The following MED13L variants were observed in gnomAD, a reference collection of about 807,000 sequenced individuals.
The protein encoded by MED13L is mediator of RNA polymerase II transcription subunit 13-like.
In MED13L, 7 loss-of-function variants were observed where a neutral mutation model predicts 220.9. The ratio of observed to expected loss-of-function variants is 0.03; its 90% confidence interval spans 0.02 to 0.06. The LOEUF (loss-of-function observed/expected upper bound fraction) is 0.06. MED13L is among the 10% of genes least tolerant of loss of function. The pLI is 1.00. For synonymous variants in MED13L, 1,011 were observed against 1,015.2 expected, an observed-to-expected ratio of 1.00 and a Z score of 0.08; for missense variants, 1,965 against 2,760.5, an observed-to-expected ratio of 0.71 and a Z score of 6.46.
At chr12:116,266,505 G>A (rs1343292284) in intron 1 of MED13L, among the ~76,000 whole-genome samples, 1 of 152,176 alleles carries the variant, frequency 6.6e-6, no homozygotes, top group Admixed American at 6.5e-5. Context: ...TAGAAGAGGA[G>A]CTATAGCTCC....
chr12:116,273,792 T>C (rs1873589861), intron 1 of MED13L, among the ~76,000 whole-genome samples: 1 of 152,180 alleles, frequency 6.6e-6, no homozygotes, highest in African/African-American at 2.4e-5. Context: ...GAGCACATAT[T>C]TAAATCTAGT....
At chr12:116,267,208 C>T (rs752687679) in intron 1 of MED13L, among the ~76,000 whole-genome samples, 4 of 152,126 alleles carry the variant, frequency 2.6e-5, no homozygotes, top group African/African-American at 4.8e-5. Flanking sequence ...GCAAAATCAC[C>T]CAGCGCATTA....
At position 116,191,560 on chromosome 12, in the gene MED13L, C is replaced by A. The variant is rs552233111; in HGVS notation, c.310+45908G>T. Among the ~76,000 whole-genome samples, 5 of 152,148 alleles carry A rather than the reference C, an allele frequency of 3.3e-5. No individual in the cohort carries two copies. In the South Asian group the frequency reaches 8.3e-4, roughly 25 times the overall value. ...GGCCAGGCTGGTCTCAAACTCCTGA[C>A]CTCAAGCAATCCACCCACCTCAGCC... On this transcript the variant is annotated intron_variant, in intron 2 of 30. Transcript: ENST00000281928.
At chr12:115,961,677 A>C in intron 30 of MED13L, 1 of 468,600 alleles carries the variant, frequency 2.1e-6, no homozygotes, top group Non-Finnish European at 3.9e-6. Context: ...CTGGAGCCCA[A>C]ACACTTAGGG....
intron 2 of MED13L, among the ~76,000 whole-genome samples, chr12:116,155,671 A>G (rs2138111821): frequency 6.6e-6 from 1 of 152,262 alleles, no homozygotes; most frequent in Admixed American, 6.5e-5. Flanking sequence ...ACATTTTGCC[A>G]CACAGTCTTC....
At chr12:116,048,472 G>C (rs554650860) in intron 4 of MED13L, among the ~76,000 whole-genome samples, 2 of 152,298 alleles carry the variant, frequency 1.3e-5, no homozygotes, top group African/African-American at 4.8e-5. Flanking sequence ...TTAGGCTAGT[G>C]CAATAGCTCA....
At chr12:116,093,749 G>A (rs1872438594) in intron 4 of MED13L, among the ~76,000 whole-genome samples, 1 of 151,896 alleles carries the variant, frequency 6.6e-6, no homozygotes, top group Admixed American at 6.6e-5. Flanking sequence ...TTAGAAATAA[G>A]AGCTTTTCTA....
chr12:116,125,778 A>G (rs1293776843), intron 2 of MED13L, among the ~76,000 whole-genome samples: 2 of 152,242 alleles, frequency 1.3e-5, no homozygotes, highest in Non-Finnish European at 2.9e-5. Flanking sequence ...AATCATCAGT[A>G]TAAAACATGT....
intron 3 of MED13L, among the ~76,000 whole-genome samples, chr12:116,099,482 T>TA (rs1410173132): frequency 2.0e-5 from 3 of 152,196 alleles, no homozygotes; most frequent in Non-Finnish European, 2.9e-5. Context: ...AATACTGTTT[T>TA]AAAAAATATT....
At chr12:116,264,702 G>GT (rs1158275957) in intron 1 of MED13L, among the ~76,000 whole-genome samples, 1 of 152,050 alleles carries the variant, frequency 6.6e-6, no homozygotes, top group East Asian at 1.9e-4. Flanking sequence ...AACTTTCCTT[G>GT]TATCTTCCAT....
chr12:116,187,091 G>A (rs1028828547), intron 2 of MED13L, among the ~76,000 whole-genome samples: 1 of 152,052 alleles, frequency 6.6e-6, no homozygotes, highest in African/African-American at 2.4e-5. Context: ...TTTTGTTTTT[G>A]CCGAACTGCC....
chr12:116,007,339 C>G, intron 11 of MED13L, 72 bp downstream of exon 11: 4 of 1,415,944 alleles, frequency 2.8e-6, no homozygotes, highest in Non-Finnish European at 4.0e-6. Flanking sequence ...CCTCCAAAGT[C>G]TTCCCACACA....
intron 4 of MED13L, among the ~76,000 whole-genome samples, chr12:116,050,215 G>T (rs1868374993): frequency 6.6e-6 from 1 of 152,118 alleles, no homozygotes; most frequent in African/African-American, 2.4e-5. Context: ...ACAAAATATA[G>T]CACAGCTTTC....
intron 18 of MED13L, among the ~76,000 whole-genome samples, chr12:115,986,856 G>A (rs1405666859): frequency 6.6e-6 from 1 of 152,100 alleles, no homozygotes; most frequent in Non-Finnish European, 1.5e-5. Context: ...GTGAGGATTG[G>A]GAAAATGAGG....
At chr12:116,029,957 TTTTGTTTG>T (rs141391277) in intron 4 of MED13L, among the ~76,000 whole-genome samples, 2,595 of 151,848 alleles carry the variant, frequency 0.017, 44 homozygotes, top group Middle Eastern at 0.031. Flanking sequence ...TTTTTGGGTT[TTTTGTTTG>T]TTTGTTTGTT....
chr12:116,034,473 C>A (rs1881052276), intron 4 of MED13L, among the ~76,000 whole-genome samples: 2 of 152,284 alleles, frequency 1.3e-5, no homozygotes, highest in South Asian at 2.1e-4. Context: ...TGAGAACAAT[C>A]TCTCTACGCA....
intron 2 of MED13L, among the ~76,000 whole-genome samples, chr12:116,154,507 T>G (rs550733193): frequency 2.0e-5 from 3 of 152,206 alleles, no homozygotes; most frequent in African/African-American, 7.2e-5. Flanking sequence ...TGCAAACGAT[T>G]TGTTTTTCCC....
intron 2 of MED13L, among the ~76,000 whole-genome samples, chr12:116,124,411 T>C (rs1010891704): frequency 1.3e-5 from 2 of 152,206 alleles, no homozygotes; most frequent in African/African-American, 4.8e-5. Flanking sequence ...GTAATGACTA[T>C]TGGTCTACCT....
intron 14 of MED13L, 52 bp from the exon 15 acceptor site, chr12:115,997,282 G>A (rs537597308): frequency 3.9e-6 from 6 of 1,522,346 alleles, no homozygotes; most frequent in African/African-American, 1.4e-5. Context: ...CTTCTAAAAA[G>A]TCCTAGCTTA....
Sources: gnomAD v4.1 joint callset for allele counts (sites outside exome capture counted in the v4.1 genomes callset) on GRCh38, gnomAD v4.1.1 for gene constraint, MANE v1.5 for transcripts, NCBI Gene and HGNC (gene_info 2026-07-23, HGNC 2026-07-21) for gene names.